XPA: variants seen among roughly 807,000 people sequenced by gnomAD.
XPA encodes the protein DNA repair protein complementing XP-A cells.
Under a neutral mutation model 35.7 loss-of-function variants are expected in XPA, and 27 were observed. The ratio of observed to expected loss-of-function variants is 0.76; its 90% confidence interval spans 0.56 to 1.04. The LOEUF (loss-of-function observed/expected upper bound fraction) is 1.04, where lower values mean the gene tolerates loss of function less well. XPA is among the 50% of genes least tolerant of loss of function. The probability of loss-of-function intolerance (pLI) is 0.00; values close to 1 mark genes in which losing one functional copy is unlikely to be tolerated. For synonymous variants in XPA, 133 were observed against 118.4 expected (o/e 1.12, Z -0.80); for missense variants, 354 against 342.7 (o/e 1.03, Z -0.26).
rs774701702 is a variant in XPA, at chr9:97,675,057, T to TATTTGTTTCTTGG, written c.*369_*381dup. The TATTTGTTTCTTGG allele has an allele frequency of 3.0e-5, 16 of 533,238 alleles. No homozygotes were observed. The highest frequency in any genetic ancestry group is 1.8e-5 in the Non-Finnish European group (5 of 276,124). The allele number at this position is 533,238 out of a possible 1,614,324, so 33.0% of individuals were successfully genotyped here. A position where few individuals can be genotyped will look rare whatever the true frequency, so the allele number is the denominator to read the frequency against. ...TACAGTGGTGCACCACCATTGCTATTATTTGTTTCTTGGTTAAGAATCCAG... is the reference window on the plus strand; with the variant it reads ...TACAGTGGTGCACCACCATTGCTATTATTTGTTTCTTGGATTTGTTTCTTGGTTAAGAATCCAG... On this transcript the variant is annotated 3_prime_UTR_variant, in exon 6 of 6. Transcript: ENST00000375128.
intron 2 of XPA, among the ~76,000 whole-genome samples, chr9:97,690,931 C>T (rs562595920): frequency 6.6e-6 from 1 of 152,314 alleles, no homozygotes; most frequent in South Asian, 2.1e-4. Flanking sequence ...CTGCAAAGTC[C>T]TTTTTGCTAT....
At chr9:97,668,837 C>T in the XPA span, 3 of 1,607,112 alleles carry the variant, frequency 1.9e-6, no homozygotes, top group Admixed American at 5.1e-5. Context: ...GTTCATTTGC[C>T]TTCTATAGCG....
the XPA span, among the ~76,000 whole-genome samples, chr9:97,661,733 T>G: frequency 5.0e-5 from 3 of 59,918 alleles, no homozygotes; most frequent in South Asian, 1.4e-3. Flanking sequence ...AGCTTAAGTG[T>G]TTTTTTTTTT....
intron 5 of XPA, chr9:97,675,914 C>T (rs191935830): frequency 4.4e-4 from 131 of 297,102 alleles, no homozygotes; most frequent in African/African-American, 2.2e-3. Context: ...CATTCAGGTA[C>T]GTTTGACTTC....
At chr9:97,685,755 C>CA (rs1247119531) in intron 4 of XPA, among the ~76,000 whole-genome samples, 6 of 152,144 alleles carry the variant, frequency 3.9e-5, no homozygotes, top group Non-Finnish European at 8.8e-5. Context: ...TCTGAGACAT[C>CA]ACGTTTTCCG....
chr9:97,674,332 TTGAAAA>T (rs1828286895), downstream of XPA, among the ~76,000 whole-genome samples: 1 of 152,250 alleles, frequency 6.6e-6, no homozygotes, highest in South Asian at 2.1e-4. Flanking sequence ...AAAATCAAAC[TTGAAAA>T]ATACACAAAC....
At chr9:97,694,034 T>C (rs549506793) in intron 1 of XPA, among the ~76,000 whole-genome samples, 7 of 152,296 alleles carry the variant, frequency 4.6e-5, no homozygotes, top group African/African-American at 1.7e-4. Flanking sequence ...GAATCTACAA[T>C]TAGAATTAAG....
At chr9:97,685,188 A>G (rs1448731508) in intron 4 of XPA, 148 bp from the exon 5 acceptor site, 6 of 619,880 alleles carry the variant, frequency 9.7e-6, no homozygotes, top group Admixed American at 3.1e-5. Context: ...GATTTTAAAT[A>G]TTAATGATCA....
intron 1 of XPA, among the ~76,000 whole-genome samples, chr9:97,695,571 G>A (rs1056349725): frequency 1.3e-5 from 2 of 152,224 alleles, no homozygotes; most frequent in Non-Finnish European, 2.9e-5. Context: ...CCCATGACTT[G>A]AGCAGGATCC....
the XPA span, among the ~76,000 whole-genome samples, chr9:97,659,371 A>C: frequency 6.6e-6 from 1 of 152,190 alleles, no homozygotes; most frequent in Middle Eastern, 3.4e-3. Context: ...TGTTGTGTAG[A>C]GGTTCTTTGT....
chr9:97,676,285 C>G (rs78500572), intron 5 of XPA, among the ~76,000 whole-genome samples: 1 of 152,212 alleles, frequency 6.6e-6, no homozygotes, highest in Non-Finnish European at 1.5e-5. Context: ...GAAGCCAGGA[C>G]ACTGGTCATA....
chr9:97,685,164 A>T (rs892017660), intron 4 of XPA, 124 bp from the exon 5 acceptor site: 2 of 696,108 alleles, frequency 2.9e-6, no homozygotes, highest in Non-Finnish European at 4.7e-6. Context: ...ATAAATACTT[A>T]TTAGAAATTT....
At chr9:97,664,237 T>C in the XPA span, 1 of 672,664 alleles carries the variant, frequency 1.5e-6, no homozygotes, top group Non-Finnish European at 2.4e-6. Context: ...AAAACTAAAT[T>C]TTATAGCCCT....
chr9:97,677,580 C>G (rs1828405756), intron 5 of XPA, among the ~76,000 whole-genome samples: 1 of 151,880 alleles, frequency 6.6e-6, no homozygotes, highest in Non-Finnish European at 1.5e-5. Flanking sequence ...CCTGTAGTCC[C>G]AGCTACTTGG....
At chr9:97,669,572 T>C in the XPA span, 1 of 1,534,214 alleles carries the variant, frequency 6.5e-7, no homozygotes, top group Non-Finnish European at 9.0e-7. Context: ...AGTACTACCT[T>C]AACTTCTTCT....
the XPA span, chr9:97,661,969 T>G: frequency 2.0e-6 from 2 of 1,018,164 alleles, no homozygotes; most frequent in Non-Finnish European, 3.0e-6. Flanking sequence ...AACCATCTAT[T>G]TAGCATTTGA....
chr9:97,682,807 A>G (rs1234210598), intron 5 of XPA, among the ~76,000 whole-genome samples: 1 of 152,230 alleles, frequency 6.6e-6, no homozygotes, highest in Non-Finnish European at 1.5e-5. Flanking sequence ...ATTATATTAA[A>G]GTTTATATTT....
At chr9:97,679,520 G>GA (rs1204849348) in intron 5 of XPA, among the ~76,000 whole-genome samples, 5 of 151,936 alleles carry the variant, frequency 3.3e-5, no homozygotes, top group African/African-American at 1.2e-4. Flanking sequence ...ATTGACTTCA[G>GA]AATAAGAAAC....
chr9:97,682,400 T>C, intron 5 of XPA: 1 of 518,998 alleles, frequency 1.9e-6, no homozygotes, highest in Non-Finnish European at 3.8e-6. Flanking sequence ...CTCAGCCCTT[T>C]GTGGCCTATT....
Sources: allele counts gnomAD v4.1 joint callset (sites outside exome capture counted in the v4.1 genomes callset), GRCh38; gene constraint gnomAD v4.1.1; transcripts MANE v1.5; gene names NCBI Gene and HGNC (gene_info 2026-07-23, HGNC 2026-07-21).